MAP1S: variants seen among roughly 807,000 people sequenced by gnomAD.
MAP1S encodes microtubule-associated protein 1S.
A neutral mutation model predicts 60.9 loss-of-function variants in MAP1S; 27 were observed. The observed-to-expected ratio is 0.44, with a 90% confidence interval of 0.33 to 0.61. MAP1S has a LOEUF of 0.61. Ranked by LOEUF, MAP1S falls within the 20% of genes least tolerant of loss-of-function variation. The pLI, the probability that MAP1S is intolerant of heterozygous loss-of-function variation, is 0.03. For synonymous variants in MAP1S, 826 were observed against 694.2 expected (o/e 1.19, Z -2.98); for missense variants, 1,608 against 1,486.6 (o/e 1.08, Z -1.34).
chr19:17,727,564 G>A lies in MAP1S; in HGVS notation c.2180G>A (p.Arg727Gln), dbSNP rs185793250. ...CTCCCGCTGCGTGGCCCCCGGGCGC[G>A]GCGCTCGGCTTCCCCACACGATGTG... ...LSLPLRGPRA[R>Q]RSASPHDVDL... The change falls in exon 5 of 7, where the codon CGG (arginine) becomes CAG (glutamine). Residue 727 changes from arginine to glutamine, a missense_variant. Transcript: ENST00000324096. This position sits in a 1 kb window ranked among gnomAD's most constrained non-coding sequence, Gnocchi z 4.1. The A allele has an allele frequency of 1.0e-4, 163 of 1,607,486 alleles. No individual in the cohort carries two copies. Among genetic ancestry groups the A allele is most frequent in the Non-Finnish European group, 1.3e-4 (148 of 1,179,416 alleles).
chr19:17,720,621 G>T, intron 1 of MAP1S: 1 of 1,052,356 alleles, frequency 9.5e-7, no homozygotes, highest in Non-Finnish European at 1.3e-6. Context: ...GGACTTCCAG[G>T]CAGGGGAAAC....
chr19:17,730,621 T>TCAA lies in MAP1S; in HGVS notation c.2788+2449_2788+2450insCAA, dbSNP rs940851787. On this transcript the variant is annotated intron_variant, in intron 5 of 6. Transcript: ENST00000324096. ...ATGAGCCACCATACCTAGCCCCCTT[T>TCAA]GCCCATTTTTAAATTGAGTTGTTTT... Among the ~76,000 whole-genome samples the TCAA allele has an allele frequency of 2.6e-4, 40 of 152,216 alleles. 1 individual carries two copies. The highest frequency in any genetic ancestry group is 5.4e-4 in the Non-Finnish European group (37 of 68,032).
At position 17,720,096 on chromosome 19, in the gene MAP1S, G is replaced by A. The variant is rs965336772; in HGVS notation, c.118+476G>A. 4.2e-6 allele frequency: 5 copies of A among 1,194,672 alleles called. No individual in the cohort carries two copies. In the African/African-American group the frequency reaches 4.8e-5, roughly 11 times the overall value. 74.0% of individuals were successfully genotyped at this position (1,194,672 alleles called of 1,614,324 possible). A position where few individuals can be genotyped will look rare whatever the true frequency, so the allele number is the denominator to read the frequency against. ...CCCGCTTTCTGTTGCCTCACAAGGA[G>A]CTGCTAATTGGGGTGTGGGCGGGTG... On this transcript the variant is annotated intron_variant, in intron 1 of 6. Transcript: ENST00000324096.
chr19:17,724,342 C>T (rs1259816729), intron 3 of MAP1S, 134 bp downstream of exon 3: 31 of 700,734 alleles, frequency 4.4e-5, no homozygotes, highest in Non-Finnish European at 2.5e-5. Flanking sequence ...TCTTCGCCCA[C>T]GAAGCCTTCC....
At chr19:17,723,573 G>A (rs372204103) in intron 2 of MAP1S, among the ~76,000 whole-genome samples, 2 of 151,620 alleles carry the variant, frequency 1.3e-5, no homozygotes, top group Non-Finnish European at 2.9e-5. Flanking sequence ...GAAAAAGGCC[G>A]GGCGCGGTGG....
chr19:17,725,945 G>A lies in MAP1S; in HGVS notation c.561G>A (p.Gly187=), dbSNP rs781374647. ...CACCCGCTGTGCCTGGCCTTCAGGG[G>A]GCGCTCCGGCTCCAGCTGCGGCTGA... ...QLAPAVPGLQ[G]ALRLQLRLNP... The change falls in exon 5 of 7, where the codon GGG becomes GGA. Residue 187 remains glycine (G), a synonymous_variant. Coordinates refer to ENST00000324096, the MANE Select transcript of MAP1S (RefSeq NM_018174.6). The surrounding 1 kb of genome is among the most constrained non-coding windows in gnomAD (Gnocchi z 4.2). 2 of 1,613,326 alleles carry A rather than the reference G, an allele frequency of 1.2e-6. No individual in the cohort carries two copies. The highest frequency in any genetic ancestry group is 1.7e-5 in the Admixed American group (1 of 59,960).
In MAP1S at chr19:17,726,052, C is replaced by A. The variant is rs1030976715; in HGVS notation, c.668C>A (p.Pro223His). Residue 223 changes from proline to histidine, a missense_variant, in exon 5 of 7, where the codon CCC becomes CAC. Physicochemically the swap from Pro to His is moderately conservative, Grantham distance 77. Transcript: ENST00000324096. ...YVAESLEPPSPFELLEPPTSG... is the reference protein window; with the variant it reads ...YVAESLEPPSHFELLEPPTSG... ...GCTGAGTCTCTGGAGCCACCGTCCC[C>A]CTTCGAGCTGCTGGAGCCCCCGACC... The A allele has an allele frequency of 5.0e-6, 8 of 1,613,528 alleles. No homozygotes were observed. Among genetic ancestry groups the A allele is most frequent in the Non-Finnish European group, 6.8e-6 (8 of 1,179,862 alleles).
In MAP1S at chr19:17,727,549, G is replaced by A. The variant is rs767624795; in HGVS notation, c.2165G>A (p.Arg722His). The A allele has an allele frequency of 3.7e-6, 6 of 1,608,594 alleles. No individual in the cohort carries two copies. In the South Asian group the frequency reaches 5.5e-5, roughly 15 times the overall value. The change falls in exon 5 of 7, where the codon CGT becomes CAT. Residue 722 changes from arginine (R) to histidine (H), a missense_variant. Around this residue, in one of 4 missense-constraint regions of MAP1S, gnomAD observed 1,167 missense variants for 961.4 expected, o/e 1.21. Transcript: ENST00000324096. The surrounding 1 kb of genome is among the most constrained non-coding windows in gnomAD (Gnocchi z 4.1). ...GAGGCTGGGCTGAGCCTCCCGCTGC[G>A]TGGCCCCCGGGCGCGGCGCTCGGCT... ...TSEAGLSLPL[R>H]GPRARRSASP...
chr19:17,726,009 G>A lies in MAP1S; in HGVS notation c.625G>A (p.Glu209Lys), dbSNP rs763270826. ...GCTGCCCAACTCTGAGGGCCTGTGC[G>A]AATTCCTGGAGTACGTGGCTGAGTC... ...AQLPNSEGLC[E>K]FLEYVAESLE... Residue 209 changes from glutamate to lysine, a missense_variant, in exon 5 of 7, where the codon GAA (glutamate) becomes AAA (lysine). This residue lies in a region of MAP1S where 320 missense variants were observed against 393.1 expected (regional missense o/e 0.81). Coordinates refer to ENST00000324096, the MANE Select transcript of MAP1S (RefSeq NM_018174.6). 11 of 1,612,468 alleles carry A rather than the reference G, an allele frequency of 6.8e-6. No homozygotes were observed. The highest frequency in any genetic ancestry group is 1.1e-5 in the South Asian group (1 of 90,932).
chr19:17,720,214 G>A, intron 1 of MAP1S: 1 of 1,372,150 alleles, frequency 7.3e-7, no homozygotes, highest in Non-Finnish European at 9.4e-7. Context: ...GGGACTGGCG[G>A]GCGTGATGCG....
In MAP1S at chr19:17,719,516, C is replaced by G. The variant is rs1287005772; in HGVS notation, c.14C>G (p.Ala5Gly). 2.4e-6 allele frequency: 3 copies of G among 1,245,572 alleles called. No homozygotes were observed. Among genetic ancestry groups the G allele is most frequent in the Non-Finnish European group, 3.0e-6 (3 of 987,596 alleles). 77.2% of individuals were successfully genotyped at this position (1,245,572 alleles called of 1,614,324 possible). ...GGCGGCCCGAAGATGGCGGCGGTGGCTGGATCTGGGGCTGCCGCGGCTCCG... is the reference window on the plus strand; with the variant it reads ...GGCGGCCCGAAGATGGCGGCGGTGGGTGGATCTGGGGCTGCCGCGGCTCCG... MAAV[A>G]GSGAAAAPSS... The change falls in exon 1 of 7, where the codon GCT (alanine) becomes GGT (glycine). Residue 5 changes from alanine to glycine, a missense_variant. This residue lies in a region of MAP1S where 45 missense variants were observed against 22.0 expected (regional missense o/e 2.04). Transcript: ENST00000324096.
At position 17,726,619 on chromosome 19, in the gene MAP1S, T is replaced by C; in HGVS notation, c.1235T>C (p.Val412Ala). Reference protein sequence around the residue: ...SAGAERTLASVCALLVWHPAG... With the variant: ...SAGAERTLASACALLVWHPAG... ...GGCGCCGAGCGCACGCTGGCCTCTGTGTGCGCCCTGCTGGTGTGGCACCCC... is the reference window on the plus strand; with the variant it reads ...GGCGCCGAGCGCACGCTGGCCTCTGCGTGCGCCCTGCTGGTGTGGCACCCC... Residue 412 changes from valine to alanine, a missense_variant, in exon 5 of 7, where the codon GTG (valine) becomes GCG (alanine). Transcript: ENST00000324096. 6.4e-7 allele frequency: 1 copy of C among 1,571,860 alleles called. No individual in the cohort carries two copies.
rs2080417958 is a variant in MAP1S at position 17,726,170 on chromosome 19, T to C, written c.786T>C (p.Thr262=). 1 of 1,613,488 alleles carries C rather than the reference T, an allele frequency of 6.2e-7. No individual in the cohort carries two copies. The highest frequency in any genetic ancestry group is 8.5e-7 in the Non-Finnish European group (1 of 1,179,798). ...DAAFFAVNGF[T]VLVNGGSNPK... ...CCTTCTTCGCCGTCAATGGCTTCAC[T>C]GTGCTGGTCAACGGTGGCTCAAACC... is the stretch of plus-strand genomic sequence containing the variant. Residue 262 remains threonine (T), a synonymous_variant, in exon 5 of 7, where the codon ACT becomes ACC. Transcript: ENST00000324096.
Position 17,726,828 on chromosome 19 carries a change from T to A in MAP1S, c.1444T>A (p.Ser482Thr). Residue 482 changes from serine (S) to threonine (T), a missense_variant, in exon 5 of 7, where the codon TCG (serine) becomes ACG (threonine). Transcript: ENST00000324096. ...SKESVGSRDS[S>T]KREGLLATHP... is the part of the protein sequence containing the mutation. ...AGAGAGCGTGGGCTCCCGGGACAGC[T>A]CGAAGAGAGAGGGCCTCCTGGCCAC... 4 of 1,554,858 alleles carry A rather than the reference T, an allele frequency of 2.6e-6. No homozygotes were observed. Among genetic ancestry groups the A allele is most frequent in the Non-Finnish European group, 3.5e-6 (4 of 1,149,996 alleles).
chr19:17,731,023 C>G (rs2080489108), intron 5 of MAP1S, among the ~76,000 whole-genome samples: 2 of 151,728 alleles, frequency 1.3e-5, no homozygotes, highest in African/African-American at 4.8e-5. Context: ...TCCTGAGTAG[C>G]TGCGATTACA....
chr19:17,724,247 G>T, intron 3 of MAP1S, 39 bp downstream of exon 3: 2 of 1,544,880 alleles, frequency 1.3e-6, no homozygotes, highest in Non-Finnish European at 1.8e-6. Context: ...GCGGGCTGCT[G>T]GGACCCGTGC....
intron 1 of MAP1S, 44 bp from the exon 2 acceptor site, chr19:17,720,892 G>A (rs757644936): frequency 1.4e-6 from 2 of 1,461,612 alleles, no homozygotes; most frequent in South Asian, 2.3e-5. Flanking sequence ...CTGGGAGCTG[G>A]GGGGCCCGGC....
chr19:17,734,134 A>G, intron 6 of MAP1S, 139 bp from the exon 7 acceptor site: 1 of 687,380 alleles, frequency 1.5e-6, no homozygotes, highest in South Asian at 1.8e-5. Flanking sequence ...CTCAAGGTGG[A>G]GCACACAAGA....
intron 3 of MAP1S, 142 bp from the exon 4 acceptor site, chr19:17,724,907 C>G (rs531673801): frequency 2.0e-6 from 2 of 1,004,724 alleles, no homozygotes; most frequent in African/African-American, 3.2e-5. Flanking sequence ...AGACTGCCTT[C>G]GTAGCTAGTT....
Sources: allele counts gnomAD v4.1 joint callset (sites outside exome capture counted in the v4.1 genomes callset), GRCh38; gene constraint gnomAD v4.1.1; regional missense constraint gnomAD v4.1.1; non-coding constraint Gnocchi (gnomAD v3.1); transcripts MANE v1.5; gene names NCBI Gene and HGNC (gene_info 2026-07-23, HGNC 2026-07-21).